Variants in ADCY8 observed in about 807,000 individuals in gnomAD.
ADCY8 encodes the protein adenylate cyclase type 8.
ADCY8 carries 51 observed loss-of-function variants against 119.7 expected under a neutral mutation model. The observed-to-expected ratio is 0.43, with a 90% CI of 0.34 to 0.54. The LOEUF (loss-of-function observed/expected upper bound fraction) is 0.54, where lower values mean the gene tolerates loss of function less well. Among genes scored for constraint, ADCY8 ranks in the 20% least tolerant of loss-of-function variants. ADCY8 has a pLI of 0.03. For synonymous variants in ADCY8, 665 were observed against 651.0 expected (o/e 1.02, Z -0.33); for missense variants, 1,383 against 1,598.8 (o/e 0.87, Z 2.30).
chr8:130,829,410 A>G (rs1040583878), intron 12 of ADCY8, among the ~76,000 whole-genome samples: 2 of 152,142 alleles, frequency 1.3e-5, no homozygotes, highest in Non-Finnish European at 2.9e-5. Flanking sequence ...GTGAACTGTA[A>G]ACTTTTTATT....
chr8:130,920,171 T>G (rs1395878370), intron 5 of ADCY8, among the ~76,000 whole-genome samples: 1 of 132,924 alleles, frequency 7.5e-6, no homozygotes, highest in South Asian at 2.5e-4. Context: ...AAAAAAAAGA[T>G]TCTTAGAAGT....
At chr8:130,987,063 C>G (rs1822423903) in intron 2 of ADCY8, among the ~76,000 whole-genome samples, 1 of 152,170 alleles carries the variant, frequency 6.6e-6, no homozygotes, top group Non-Finnish European at 1.5e-5. Flanking sequence ...TGGGCTCTCT[C>G]TCTACAGAAT....
chr8:130,830,780 C>T (rs1816811115), intron 12 of ADCY8, among the ~76,000 whole-genome samples: 1 of 152,214 alleles, frequency 6.6e-6, no homozygotes, highest in African/African-American at 2.4e-5. Context: ...AAAACTGATG[C>T]TCTTATTAAG....
At chr8:131,015,732 G>A (rs1823454559) in intron 1 of ADCY8, among the ~76,000 whole-genome samples, 1 of 152,088 alleles carries the variant, frequency 6.6e-6, no homozygotes, top group African/African-American at 2.4e-5. Context: ...TGACAAGTCA[G>A]TATGGGAGTT....
intron 7 of ADCY8, among the ~76,000 whole-genome samples, chr8:130,899,521 G>A (rs1029081634): frequency 6.6e-6 from 1 of 152,014 alleles, no homozygotes; most frequent in Non-Finnish European, 1.5e-5. Flanking sequence ...TGGAAGAATC[G>A]CTGGAACCCG....
intron 12 of ADCY8, among the ~76,000 whole-genome samples, chr8:130,824,905 C>T (rs1816627244): frequency 6.6e-6 from 1 of 152,216 alleles, no homozygotes; most frequent in Non-Finnish European, 1.5e-5. Context: ...CTGGCCATTA[C>T]AGTTGCCTCC....
chr8:130,897,025 G>T (rs75593679), intron 7 of ADCY8, among the ~76,000 whole-genome samples: 2,003 of 152,144 alleles, frequency 0.013, 14 homozygotes, highest in Middle Eastern at 0.024. Flanking sequence ...GGGGAGAAGT[G>T]GTTGCCCAAG....
chr8:130,832,491 C>T (rs988735486), intron 12 of ADCY8, among the ~76,000 whole-genome samples: 16 of 152,150 alleles, frequency 1.1e-4, no homozygotes, highest in Admixed American at 3.9e-4. Flanking sequence ...GAGTAGCCTA[C>T]GACTGCCAAT....
intron 7 of ADCY8, among the ~76,000 whole-genome samples, chr8:130,897,120 A>G (rs933291816): frequency 5.9e-5 from 9 of 152,046 alleles, no homozygotes; most frequent in Non-Finnish European, 1.3e-4. Flanking sequence ...CATATGTGCA[A>G]ATTTCAATTC....
In ADCY8 at chr8:130,813,920, T is replaced by C. The variant is rs1195466621; in HGVS notation, c.2913+149A>G. ...TGAGGTGCCTGAGGTTGGGAGGCCA[T>C]GTGTAAATTTCATAGTGTTAGGAGT... On this transcript the variant is annotated intron_variant, in intron 14 of 17. Transcript: ENST00000286355. The C allele has an allele frequency of 1.1e-5, 10 of 916,322 alleles. No individual in the cohort carries two copies. The Admixed American group carries it at 2.7e-4, about 25-fold the overall frequency. 56.8% of individuals were successfully genotyped at this position (916,322 alleles called of 1,614,324 possible).
In ADCY8 at chr8:130,849,468, A is replaced by T. The variant is rs1445130890; in HGVS notation, c.2412+134T>A. ...AGCCACATCTTTGTTATCTGTCCCT[A>T]AGCTTGGGGCTGGACCAGGCACATA... On this transcript the variant is annotated intron_variant, in intron 10 of 17. Transcript: ENST00000286355. 4 of 887,030 alleles carry T rather than the reference A, an allele frequency of 4.5e-6. No homozygotes were observed. In the African/African-American group the frequency reaches 6.8e-5, roughly 15 times the overall value. The allele number at this position is 887,030 out of a possible 1,614,324, so 54.9% of individuals were successfully genotyped here.
chr8:131,012,182 G>C (rs924494959), intron 1 of ADCY8, among the ~76,000 whole-genome samples: 1 of 152,128 alleles, frequency 6.6e-6, no homozygotes, highest in Non-Finnish European at 1.5e-5. Flanking sequence ...GAGCATGTTG[G>C]GTTCTTCATG....
chr8:130,793,916 ATCT>A lies in ADCY8; in HGVS notation c.3060+6507_3060+6509del, dbSNP rs1280226960. Among the ~76,000 whole-genome samples, 61 of 152,322 alleles carry A rather than the reference ATCT, an allele frequency of 4.0e-4. 1 individual carries two copies. In the East Asian group the frequency reaches 0.012, roughly 29 times the overall value. On this transcript the variant is annotated intron_variant, in intron 15 of 17. Transcript: ENST00000286355. ...TGTCCTCACAGACTCTCAGAATGTG[ATCT>A]TCTTTGGAAATAAGTTTTTTGCAGA...
chr8:130,969,183 C>G (rs931776914), intron 2 of ADCY8, among the ~76,000 whole-genome samples: 4 of 151,980 alleles, frequency 2.6e-5, no homozygotes, highest in African/African-American at 9.7e-5. Context: ...AGCAGATTGT[C>G]CTTCATAATA....
At chr8:130,959,924 TA>T (rs1448318367) in intron 2 of ADCY8, among the ~76,000 whole-genome samples, 1 of 152,200 alleles carries the variant, frequency 6.6e-6, no homozygotes, top group Non-Finnish European at 1.5e-5. Flanking sequence ...CAGAAGCAAC[TA>T]AAGTGTTTGG....
At chr8:131,003,617 A>G (rs2130766766) in intron 1 of ADCY8, among the ~76,000 whole-genome samples, 1 of 79,652 alleles carries the variant, frequency 1.3e-5, no homozygotes, top group South Asian at 4.8e-4. Context: ...TATTTTATGG[A>G]CAGTCCTGCT....
At chr8:130,902,014 A>G (rs796466521) in intron 7 of ADCY8, among the ~76,000 whole-genome samples, 2 of 151,922 alleles carry the variant, frequency 1.3e-5, no homozygotes, top group African/African-American at 4.8e-5. Flanking sequence ...AAAACCAAGA[A>G]CCTCCACCTC....
chr8:130,989,323 C>G (rs544496983), intron 2 of ADCY8, among the ~76,000 whole-genome samples: 7 of 152,150 alleles, frequency 4.6e-5, no homozygotes, highest in African/African-American at 7.2e-5. Context: ...TAGAGTCACA[C>G]GGACCTGGCT....
At chr8:131,028,226 A>C (rs549763027) in intron 1 of ADCY8, among the ~76,000 whole-genome samples, 1 of 152,380 alleles carries the variant, frequency 6.6e-6, no homozygotes, top group East Asian at 1.9e-4. Context: ...AAATATACTT[A>C]CATGGTTTCA....
Sources: gnomAD v4.1 joint callset for allele counts (sites outside exome capture counted in the v4.1 genomes callset) on GRCh38, gnomAD v4.1.1 for gene constraint, MANE v1.5 for transcripts, NCBI Gene and HGNC (gene_info 2026-07-23, HGNC 2026-07-21) for gene names.